The following ATPSCKMT variants were observed in gnomAD, a reference collection of about 807,000 sequenced individuals.
ATPSCKMT encodes ATP synthase c subunit lysine N-methyltransferase, also known as ATP synthase subunit C lysine N-methyltransferase.
Under a neutral mutation model 24.3 loss-of-function variants are expected in ATPSCKMT, and 24 were observed. That is an observed-to-expected ratio of 0.99 (90% CI 0.71 to 1.39). The LOEUF is 1.39. Among genes scored for constraint, ATPSCKMT ranks in the 40% most tolerant of loss-of-function variants. The probability of loss-of-function intolerance (pLI) is 0.00; values close to 1 mark genes in which losing one functional copy is unlikely to be tolerated. For synonymous variants in ATPSCKMT, 95 were observed against 110.5 expected (o/e 0.86, Z 0.88); for missense variants, 311 against 298.4 (o/e 1.04, Z -0.31).
chr5:10,232,665 C>T (rs1002752840), intron 4 of ATPSCKMT, among the ~76,000 whole-genome samples: 2 of 152,216 alleles, frequency 1.3e-5, no homozygotes, highest in Admixed American at 1.3e-4. Context: ...AGGAAACACC[C>T]CAGGCTCTGG....
At chr5:10,232,163 T>A (rs1561026544) in intron 4 of ATPSCKMT, among the ~76,000 whole-genome samples, 1 of 152,020 alleles carries the variant, frequency 6.6e-6, no homozygotes, top group Non-Finnish European at 1.5e-5. Context: ...GATCACGCTC[T>A]ACTGCACTGC....
At chr5:10,239,861 C>A (rs1366962814) in intron 1 of ATPSCKMT, among the ~76,000 whole-genome samples, 3 of 151,984 alleles carry the variant, frequency 2.0e-5, no homozygotes, top group Non-Finnish European at 4.4e-5. Context: ...ATAGAAGAGA[C>A]AAAAATCAGG....
rs919957374 is a variant in ATPSCKMT, at chr5:10,225,823, C to T, written c.*1618G>A. ...TAGAAAATGTTGAACACCTCCGAGG[C>T]CCCACAGAACCCTCCTCTACCCACA... On this transcript the variant is annotated 3_prime_UTR_variant, in exon 5 of 5. Transcript: ENST00000511437. Among the ~76,000 whole-genome samples, 12 of 152,134 alleles carry T rather than the reference C, an allele frequency of 7.9e-5. No homozygotes were observed. The highest frequency in any genetic ancestry group is 2.9e-4 in the African/African-American group (12 of 41,416).
At chr5:10,249,563 G>A in intron 1 of ATPSCKMT, 1 of 394,184 alleles carries the variant, frequency 2.5e-6, no homozygotes, top group East Asian at 3.7e-5. Context: ...CAATCCATCA[G>A]TGTGCCTCCA....
rs768157631 is a variant in ATPSCKMT, at chr5:10,239,173, CA to C, written c.199del (p.Cys67ValfsTer16). On this transcript the variant is annotated frameshift_variant, in exon 2 of 5. Transcript: ENST00000511437. LOFTEE classifies it high-confidence loss of function. ...CGTAGTTGCAGGTACAAACGGCAAA[CA>C]GACTTTTCGAAGGGCTGGCGTTACA... is the stretch of plus-strand genomic sequence containing the variant. ...PFVTPALRKVCLPFVPATTKQ... is the reference protein window; with the variant it reads ...PFVTPALRKVXLPFVPATTKQ... 1.2e-6 allele frequency: 2 copies of C among 1,614,060 alleles called. No individual in the cohort carries two copies. Among genetic ancestry groups the C allele is most frequent in the African/African-American group, 2.7e-5 (2 of 74,920 alleles).
At position 10,236,470 on chromosome 5, in the gene ATPSCKMT, T is replaced by C; in HGVS notation, c.444+8A>G. 3 of 1,614,052 alleles carry C rather than the reference T, an allele frequency of 1.9e-6. No homozygotes were observed. The highest frequency in any genetic ancestry group is 1.7e-6 in the Non-Finnish European group (2 of 1,179,966). On this transcript the variant is annotated splice_region_variant and intron_variant, in intron 3 of 4. Coordinates refer to ENST00000511437, the MANE Select transcript of ATPSCKMT (RefSeq NM_199133.4). Reference sequence around the variant, plus strand: ...GATTTCTCTAGGGCCATTCTCTGCCTTACATACCTTCCACAAATCTGAAAT... The same window carrying C: ...GATTTCTCTAGGGCCATTCTCTGCCCTACATACCTTCCACAAATCTGAAAT...
rs898336147 is a variant in ATPSCKMT at position 10,235,326 on chromosome 5, T to C, written c.445-65A>G. ...AAAGCCAAACGTGAAGCTTAACTTG[T>C]TTTACAGAAATGGGTAGCAGTTTTC... On this transcript the variant is annotated intron_variant, in intron 3 of 4. Transcript: ENST00000511437. The C allele has an allele frequency of 2.8e-6, 4 of 1,427,652 alleles. No homozygotes were observed. In the East Asian group the frequency reaches 9.7e-5, roughly 34 times the overall value. 88.4% of individuals were successfully genotyped at this position (1,427,652 alleles called of 1,614,324 possible). A position where few individuals can be genotyped will look rare whatever the true frequency, so the allele number is the denominator to read the frequency against.
At chr5:10,241,229 T>G (rs1172085588) in intron 1 of ATPSCKMT, among the ~76,000 whole-genome samples, 1 of 152,122 alleles carries the variant, frequency 6.6e-6, no homozygotes, top group Non-Finnish European at 1.5e-5. Flanking sequence ...CCTCTTAATT[T>G]ATAGGAACCC....
intron 4 of ATPSCKMT, among the ~76,000 whole-genome samples, chr5:10,233,759 A>G (rs7737749): frequency 0.61 from 93,050 of 152,000 alleles, 29,737 homozygotes; most frequent in East Asian, 0.86. Flanking sequence ...AAATGCTAAC[A>G]TTCTATTTTT....
chr5:10,236,484 CA>C lies in ATPSCKMT; in HGVS notation c.437del (p.Leu146CysfsTer20), dbSNP rs776286682. ...CATTCTCTGCCTTACATACCTTCCA[CA>C]AATCTGAAATATAAAATTTGGCAGA... is the stretch of plus-strand genomic sequence containing the variant. ...HGSAKFYISD[L>X]WKVTFSQYSN... On this transcript the variant is annotated frameshift_variant, in exon 3 of 5. Transcript: ENST00000511437. LOFTEE classifies it high-confidence loss of function. The C allele has an allele frequency of 6.2e-7, 1 of 1,614,096 alleles. No homozygotes were observed. Among genetic ancestry groups the C allele is most frequent in the Non-Finnish European group, 8.5e-7 (1 of 1,180,010 alleles).
chr5:10,249,835 C>G (rs764989850), intron 1 of ATPSCKMT, 23 bp downstream of exon 1: 1 of 1,563,572 alleles, frequency 6.4e-7, no homozygotes, highest in Non-Finnish European at 8.6e-7. Flanking sequence ...CCCCAGGAAC[C>G]CGCCAAGCCG....
intron 1 of ATPSCKMT, among the ~76,000 whole-genome samples, chr5:10,246,181 G>C (rs180677785): frequency 3.7e-4 from 56 of 152,146 alleles, no homozygotes; most frequent in Non-Finnish European, 5.9e-4. Flanking sequence ...TGCAATCCCA[G>C]CACTTTGGGA....
intron 4 of ATPSCKMT, among the ~76,000 whole-genome samples, chr5:10,228,327 C>G (rs186516864): frequency 6.6e-6 from 1 of 152,288 alleles, no homozygotes; most frequent in East Asian, 1.9e-4. Context: ...ATTCTACCAA[C>G]TGGAAATATC....
intron 3 of ATPSCKMT, 35 bp from the exon 4 acceptor site, chr5:10,235,296 T>A: frequency 6.3e-7 from 1 of 1,585,782 alleles, no homozygotes; most frequent in South Asian, 1.1e-5. Flanking sequence ...GTAGATTAAG[T>A]GCAAAAAGCC....
At chr5:10,247,298 G>T (rs1744978094) in intron 1 of ATPSCKMT, among the ~76,000 whole-genome samples, 1 of 152,144 alleles carries the variant, frequency 6.6e-6, no homozygotes. Context: ...TCCAATATAG[G>T]ATGTACAATA....
At chr5:10,241,245 A>G (rs760194515) in intron 1 of ATPSCKMT, among the ~76,000 whole-genome samples, 1 of 152,110 alleles carries the variant, frequency 6.6e-6, no homozygotes, top group Non-Finnish European at 1.5e-5. Flanking sequence ...AACCCTCATG[A>G]TAACACTGGG....
intron 1 of ATPSCKMT, 104 bp downstream of exon 1, chr5:10,249,754 C>T: frequency 6.8e-7 from 1 of 1,468,292 alleles, no homozygotes; most frequent in Non-Finnish European, 9.1e-7. Flanking sequence ...CGCCCGCACC[C>T]GGTCACCGCC....
rs745394868 is a variant in ATPSCKMT at position 10,236,607 on chromosome 5, C to T, written c.315G>A (p.Ala105=). 17 of 1,613,406 alleles carry T rather than the reference C, an allele frequency of 1.1e-5. No individual in the cohort carries two copies. The highest frequency in any genetic ancestry group is 3.3e-5 in the Admixed American group (2 of 59,850). The part of the protein sequence containing the change: ...IGSGDGRIVI[A]AAKKGFTAVG... Reference sequence around the variant, plus strand: ...CTGCTGTGAACCCTTTCTTCGCAGCCGCTATGACCTGTGGAGAGAGGCAGG... The same window carrying T: ...CTGCTGTGAACCCTTTCTTCGCAGCTGCTATGACCTGTGGAGAGAGGCAGG... Residue 105 remains alanine, a synonymous_variant, in exon 3 of 5, where the codon GCG becomes GCA. Coordinates refer to ENST00000511437, the MANE Select transcript of ATPSCKMT (RefSeq NM_199133.4).
chr5:10,236,573 C>T lies in ATPSCKMT; in HGVS notation c.349G>A (p.Glu117Lys). The T allele has an allele frequency of 6.2e-7, 1 of 1,614,232 alleles. No individual in the cohort carries two copies. The highest frequency in any genetic ancestry group is 1.3e-5 in the African/African-American group (1 of 75,058). Residue 117 changes from glutamate (E) to lysine (K), a missense_variant, in exon 3 of 5, where the codon GAA (glutamate) becomes AAA (lysine). Physicochemically the swap from Glu to Lys is moderately conservative, Grantham distance 56. Coordinates refer to ENST00000511437, the MANE Select transcript of ATPSCKMT (RefSeq NM_199133.4). ...AKKGFTAVGY[E>K]LNPWLVWYSR... is the part of the protein sequence containing the mutation. ...TACCAAACTAGCCATGGGTTTAATTCATAACCAACTGCTGTGAACCCTTTC... is the reference window on the plus strand; with the variant it reads ...TACCAAACTAGCCATGGGTTTAATTTATAACCAACTGCTGTGAACCCTTTC...
Sources: gnomAD v4.1 joint callset for allele counts (sites outside exome capture counted in the v4.1 genomes callset) on GRCh38, gnomAD v4.1.1 for gene constraint, MANE v1.5 for transcripts, NCBI Gene and HGNC (gene_info 2026-07-23, HGNC 2026-07-21) for gene names.